DNAAF9: variants seen among roughly 807,000 people sequenced by gnomAD.
DNAAF9 encodes the protein shulin.
In DNAAF9, 90 loss-of-function variants were observed where a neutral mutation model predicts 167.0. The observed-to-expected ratio is 0.54, with a 90% CI of 0.45 to 0.64. The LOEUF is 0.64. Among genes scored for constraint, DNAAF9 ranks in the 30% least tolerant of loss-of-function variants. The pLI is 0.00. For missense variants in DNAAF9, 1,315 were observed against 1,442.2 expected (o/e 0.91, Z 1.43); for synonymous variants, 491 against 508.8 (o/e 0.96, Z 0.47).
intron 28 of DNAAF9, 141 bp downstream of exon 28, chr20:3,281,500 G>C (rs757110770): frequency 1.6e-6 from 1 of 630,000 alleles, no homozygotes; most frequent in African/African-American, 1.9e-5. Flanking sequence ...GTCCAAAGGG[G>C]TCTATTGAGG....
chr20:3,318,354 CCATTGCCTCCCAGTA>C lies in DNAAF9; in HGVS notation c.1388_1402del (p.Leu463_Gly468delinsCys), dbSNP rs762111971. 1 of 1,606,774 alleles carries C rather than the reference CCATTGCCTCCCAGTA, an allele frequency of 6.2e-7. No individual in the cohort carries two copies. Among genetic ancestry groups the C allele is most frequent in the Non-Finnish European group, 8.5e-7 (1 of 1,173,740 alleles). ...AGAGAAAACCACAGATCCTAAACAA[CCATTGCCTCCCAGTA>C]AGTCAGGAATGTCATAGACGGCCAT... is the stretch of plus-strand genomic sequence containing the variant. On this transcript the variant is annotated inframe_deletion, in exon 17 of 37. Transcript: ENST00000252032.
chr20:3,382,670 G>C (rs1042661840), intron 1 of DNAAF9, among the ~76,000 whole-genome samples, 164 bp from the exon 2 acceptor site: 1 of 152,168 alleles, frequency 6.6e-6, no homozygotes, highest in Non-Finnish European at 1.5e-5. Flanking sequence ...AATGGATTGG[G>C]AAGGTTCCTT....
chr20:3,407,562 G>A lies in DNAAF9; in HGVS notation c.-5C>T. 2.4e-6 allele frequency: 3 copies of A among 1,236,320 alleles called. No homozygotes were observed. Among genetic ancestry groups the A allele is most frequent in the Non-Finnish European group, 3.0e-6 (3 of 990,708 alleles). The allele number at this position is 1,236,320 out of a possible 1,614,324, so 76.6% of individuals were successfully genotyped here. A position where few individuals can be genotyped will look rare whatever the true frequency, so the allele number is the denominator to read the frequency against. ...GCGCGGGGGGTACACGTCCATGGCG[G>A]CGGACGACTGGCGGCGGAGGAGGAC... is the stretch of plus-strand genomic sequence containing the variant. On this transcript the variant is annotated 5_prime_UTR_variant, in exon 1 of 37. Coordinates refer to ENST00000252032, the MANE Select transcript of DNAAF9 (RefSeq NM_001009984.3).
At chr20:3,316,852 G>T in intron 17 of DNAAF9, 59 bp from the exon 18 acceptor site, 1 of 1,181,964 alleles carries the variant, frequency 8.5e-7, no homozygotes, top group Non-Finnish European at 1.3e-6. Flanking sequence ...TGCCTTGCAG[G>T]CCCCAGACCC....
intron 29 of DNAAF9, among the ~76,000 whole-genome samples, chr20:3,278,379 T>C (rs191468949): frequency 1.2e-3 from 185 of 152,286 alleles, no homozygotes; most frequent in Admixed American, 2.6e-3. Flanking sequence ...CAGGTGGACT[T>C]AAGCCCAGCT....
chr20:3,394,937 A>ATT (rs1568647856), intron 1 of DNAAF9, among the ~76,000 whole-genome samples: 1 of 102,412 alleles, frequency 9.8e-6, no homozygotes. Flanking sequence ...TTTACTGAAC[A>ATT]TTTTCTTTTT....
chr20:3,379,105 T>C (rs1371208738), intron 3 of DNAAF9, among the ~76,000 whole-genome samples: 3 of 151,900 alleles, frequency 2.0e-5, no homozygotes, highest in Admixed American at 6.6e-5. Flanking sequence ...TGAGGGCTTC[T>C]GGTGTGTATT....
At chr20:3,380,722 T>C (rs1439940141) in intron 3 of DNAAF9, among the ~76,000 whole-genome samples, 1 of 152,216 alleles carries the variant, frequency 6.6e-6, no homozygotes, top group Non-Finnish European at 1.5e-5. Context: ...TGTCCACTTT[T>C]ATTTTGTCTA....
chr20:3,317,888 C>T lies in DNAAF9; in HGVS notation c.1468+401G>A, dbSNP rs147555419. On this transcript the variant is annotated intron_variant, in intron 17 of 36. Coordinates refer to ENST00000252032, the MANE Select transcript of DNAAF9 (RefSeq NM_001009984.3). ...CTGGGATTACAGGCATGAACCACCACGCCCAGCCTTCAAGTTGCTTCTTCT... is the reference window on the plus strand; with the variant it reads ...CTGGGATTACAGGCATGAACCACCATGCCCAGCCTTCAAGTTGCTTCTTCT... Among the ~76,000 whole-genome samples, 203 of 152,210 alleles carry T rather than the reference C, an allele frequency of 1.3e-3. 1 individual carries two copies. The Middle Eastern group carries it at 0.014, about 10-fold the overall frequency.
intron 29 of DNAAF9, 98 bp from the exon 30 acceptor site, chr20:3,270,660 T>G (rs1293045515): frequency 1.0e-6 from 1 of 999,090 alleles, no homozygotes; most frequent in Non-Finnish European, 1.5e-6. Context: ...TAATCATGCC[T>G]TCCAGTAGTC....
At position 3,281,736 on chromosome 20, in the gene DNAAF9, G is replaced by A. The variant is rs1159214260; in HGVS notation, c.2517C>T (p.Ala839=). 1 of 1,612,012 alleles carries A rather than the reference G, an allele frequency of 6.2e-7. No individual in the cohort carries two copies. Among genetic ancestry groups the A allele is most frequent in the Admixed American group, 1.7e-5 (1 of 59,632 alleles). Residue 839 remains alanine, a synonymous_variant, in exon 28 of 37, where the codon GCC becomes GCT. Transcript: ENST00000252032. ...CATTTGAGTCTGGGTGGGTCTGCAG[G>A]GCCTGGACAACATCAATAACATCTG... ...GYTDVIDVVQ[A]LQTHPDSNVK...
chr20:3,332,234 C>T (rs1279421448), intron 11 of DNAAF9, 46 bp downstream of exon 11: 1 of 976,934 alleles, frequency 1.0e-6, no homozygotes, highest in Non-Finnish European at 1.6e-6. Flanking sequence ...ATGGGACAGA[C>T]TATTCATTAG....
Position 3,294,577 on chromosome 20 carries a change from T to C in DNAAF9, c.2071A>G (p.Lys691Glu). 6.2e-7 allele frequency: 1 copy of C among 1,613,880 alleles called. No individual in the cohort carries two copies. The highest frequency in any genetic ancestry group is 8.5e-7 in the Non-Finnish European group (1 of 1,179,788). Residue 691 changes from lysine (K) to glutamate (E), a missense_variant, in exon 24 of 37, where the codon AAA becomes GAA. Transcript: ENST00000252032. ...FSALSQPAGE[K>E]RSSLKLLSAK... ...GAGAGTAACTTTAGGGAACTCCGTT[T>C]CTCCCCAGCAGGCTGGCTCAGGGCA...
intron 29 of DNAAF9, among the ~76,000 whole-genome samples, chr20:3,278,243 G>A (rs1417098093): frequency 6.6e-6 from 1 of 152,106 alleles, no homozygotes. Flanking sequence ...CATAGGGGTG[G>A]GAGGTATTAA....
chr20:3,334,751 G>A lies in DNAAF9; in HGVS notation c.982-2390C>T, dbSNP rs144533945. 4.1e-3 allele frequency among the ~76,000 whole-genome samples: 619 copies of A among 152,280 alleles called. 8 individuals carry two copies. The highest frequency in any genetic ancestry group is 0.014 in the African/African-American group (591 of 41,562). ...CTTCTGAATTTTAGCCATTCTAATAGGCGTGTAATGGACATCTAAATTATT... is the reference window on the plus strand; with the variant it reads ...CTTCTGAATTTTAGCCATTCTAATAAGCGTGTAATGGACATCTAAATTATT... On this transcript the variant is annotated intron_variant, in intron 10 of 36. Transcript: ENST00000252032.
Position 3,340,801 on chromosome 20 carries a change from G to T in DNAAF9, c.846-162C>A. ...CGAATATCCTTGGCTGGTTGGAAAC[G>T]GATGCCAGCTGTCTCCCTACTGACC... is the stretch of plus-strand genomic sequence containing the variant. On this transcript the variant is annotated intron_variant, in intron 9 of 36. Transcript: ENST00000252032. The T allele has an allele frequency of 6.3e-6, 4 of 629,972 alleles. No individual in the cohort carries two copies. In the South Asian group the frequency reaches 7.2e-5, roughly 11 times the overall value. 39.0% of individuals were successfully genotyped at this position (629,972 alleles called of 1,614,324 possible).
At chr20:3,390,048 A>G (rs894780681) in intron 1 of DNAAF9, among the ~76,000 whole-genome samples, 3 of 152,118 alleles carry the variant, frequency 2.0e-5, no homozygotes, top group African/African-American at 4.8e-5. Context: ...AAAAAAAAAA[A>G]AAAGAAAAAT....
rs1287789580 is a variant in DNAAF9 at position 3,281,697 on chromosome 20, G to A, written c.2556C>T (p.Phe852=). The change falls in exon 28 of 37, where the codon TTC becomes TTT. Residue 852 remains phenylalanine, a synonymous_variant. Transcript: ENST00000252032. ...CACATGCTGTGATGGCACCAATGGT[G>A]AAGGAGGCCTTGACATTTGAGTCTG... The part of the protein sequence containing the change: ...THPDSNVKAS[F]TIGAITACVE... The A allele has an allele frequency of 1.2e-6, 2 of 1,612,796 alleles. No homozygotes were observed. Among genetic ancestry groups the A allele is most frequent in the Admixed American group, 1.7e-5 (1 of 59,842 alleles).
intron 10 of DNAAF9, among the ~76,000 whole-genome samples, chr20:3,333,561 G>A (rs2069879906): frequency 6.6e-6 from 1 of 152,168 alleles, no homozygotes; most frequent in African/African-American, 2.4e-5. Flanking sequence ...GTTACTAATA[G>A]TGAACATCAT....
Sources: gnomAD v4.1 joint callset for allele counts (sites outside exome capture counted in the v4.1 genomes callset) on GRCh38, gnomAD v4.1.1 for gene constraint, MANE v1.5 for transcripts, NCBI Gene and HGNC (gene_info 2026-07-23, HGNC 2026-07-21) for gene names.